The following HDAC9 variants were observed in gnomAD, a reference collection of about 807,000 sequenced individuals.
HDAC9 encodes the protein MEF-2 interacting transcription repressor (MITR) protein.
A neutral mutation model predicts 139.4 loss-of-function variants in HDAC9; 41 were observed. The ratio of observed to expected loss-of-function variants is 0.29; its 90% confidence interval spans 0.23 to 0.38. The LOEUF (loss-of-function observed/expected upper bound fraction) is 0.38, where lower values mean the gene tolerates loss of function less well. Among genes scored for constraint, HDAC9 ranks in the 10% least tolerant of loss-of-function variants. The pLI, the probability that HDAC9 is intolerant of heterozygous loss-of-function variation, is 1.00. For synonymous variants in HDAC9, 517 were observed against 476.2 expected, an observed-to-expected ratio of 1.09 and a Z score of -1.12; for missense variants, 1,147 against 1,297.0, an observed-to-expected ratio of 0.88 and a Z score of 1.78.
At chr7:18,518,750 C>T (rs1009503488) in intron 2 of HDAC9, among the ~76,000 whole-genome samples, 3 of 152,184 alleles carry the variant, frequency 2.0e-5, no homozygotes, top group African/African-American at 4.8e-5. Context: ...CAGTAATAGC[C>T]CTGGCTGGCT....
At chr7:18,243,175 A>G (rs1317518406) in intron 2 of HDAC9, among the ~76,000 whole-genome samples, 1 of 152,162 alleles carries the variant, frequency 6.6e-6, no homozygotes, top group Non-Finnish European at 1.5e-5. Flanking sequence ...CTGTATTACT[A>G]GTGTAAAAGC....
At chr7:18,193,104 T>G (rs1476954507) in intron 2 of HDAC9, among the ~76,000 whole-genome samples, 1 of 152,196 alleles carries the variant, frequency 6.6e-6, no homozygotes, top group Non-Finnish European at 1.5e-5. Flanking sequence ...GACCAGAAAT[T>G]GGATCAAAGA....
intron 1 of HDAC9, among the ~76,000 whole-genome samples, chr7:18,099,118 A>G (rs1474072769): frequency 6.6e-6 from 1 of 152,168 alleles, no homozygotes; most frequent in African/African-American, 2.4e-5. Flanking sequence ...ACATTAAAAT[A>G]AATATTAAAT....
intron 2 of HDAC9, among the ~76,000 whole-genome samples, chr7:18,272,146 T>G (rs987123751): frequency 1.2e-4 from 18 of 152,342 alleles, no homozygotes; most frequent in African/African-American, 4.3e-4. Context: ...AATGTTTATG[T>G]TTTACAGGAT....
intron 1 of HDAC9, among the ~76,000 whole-genome samples, chr7:18,323,915 T>G (rs749295096): frequency 2.0e-5 from 3 of 150,844 alleles, no homozygotes; most frequent in Non-Finnish European, 4.4e-5. Context: ...AGGACCTGCT[T>G]CCTGGCTTAT....
At chr7:18,336,534 A>G (rs1407097383) in intron 1 of HDAC9, among the ~76,000 whole-genome samples, 1 of 151,672 alleles carries the variant, frequency 6.6e-6, no homozygotes, top group Non-Finnish European at 1.5e-5. Flanking sequence ...AATTGTCTCT[A>G]TATTTTAAAG....
intron 2 of HDAC9, among the ~76,000 whole-genome samples, chr7:18,508,143 T>C (rs1800370431): frequency 6.6e-6 from 1 of 152,166 alleles, no homozygotes; most frequent in South Asian, 2.1e-4. Context: ...GATGGATGGA[T>C]AGATAAAGCT....
chr7:18,566,631 C>T (rs945219389), intron 2 of HDAC9, among the ~76,000 whole-genome samples: 3 of 152,178 alleles, frequency 2.0e-5, no homozygotes, highest in East Asian at 3.9e-4. Flanking sequence ...AACCCAGGAT[C>T]CATAGACGTG....
intron 21 of HDAC9, among the ~76,000 whole-genome samples, chr7:18,861,513 A>G (rs1052831344): frequency 2.6e-5 from 4 of 152,128 alleles, no homozygotes; most frequent in African/African-American, 9.7e-5. Flanking sequence ...CTCTATTCAG[A>G]GGCGTTCCAA....
At chr7:18,319,077 A>G (rs1380369529) in intron 1 of HDAC9, among the ~76,000 whole-genome samples, 1 of 152,214 alleles carries the variant, frequency 6.6e-6, no homozygotes, top group African/African-American at 2.4e-5. Context: ...TTGTTAGCGT[A>G]GTAGCATTTA....
At chr7:18,913,656 G>T (rs899804388) in intron 22 of HDAC9, among the ~76,000 whole-genome samples, 2 of 151,992 alleles carry the variant, frequency 1.3e-5, no homozygotes, top group Admixed American at 6.6e-5. Flanking sequence ...GCTTTGAGAG[G>T]TGGTTCAGTA....
chr7:18,551,365 A>G (rs370740098), intron 2 of HDAC9, among the ~76,000 whole-genome samples: 8 of 152,316 alleles, frequency 5.3e-5, no homozygotes, highest in South Asian at 2.1e-4. Flanking sequence ...AGAGTTGCCA[A>G]CACATAGTGA....
At chr7:18,211,302 A>G (rs981186156) in intron 2 of HDAC9, among the ~76,000 whole-genome samples, 5 of 152,190 alleles carry the variant, frequency 3.3e-5, no homozygotes, top group African/African-American at 1.2e-4. Flanking sequence ...GAGCTTAAAC[A>G]CAAATTAGAA....
intron 1 of HDAC9, among the ~76,000 whole-genome samples, chr7:18,124,467 A>C (rs1371595369): frequency 6.6e-6 from 1 of 152,206 alleles, no homozygotes; most frequent in Non-Finnish European, 1.5e-5. Flanking sequence ...CACTTACTTT[A>C]TTACAAGCAG....
At chr7:18,353,143 C>T (rs546881687) in intron 1 of HDAC9, among the ~76,000 whole-genome samples, 3 of 152,014 alleles carry the variant, frequency 2.0e-5, no homozygotes, top group Non-Finnish European at 2.9e-5. Context: ...TATACATGAC[C>T]CTGTGTTATG....
chr7:18,667,104 GT>G (rs1043615548), intron 12 of HDAC9: 4 of 985,086 alleles, frequency 4.1e-6, no homozygotes, highest in Non-Finnish European at 4.8e-6. Flanking sequence ...AATACAGGTG[GT>G]TTTAAATATA....
At chr7:18,537,835 A>T (rs1415926021) in intron 2 of HDAC9, among the ~76,000 whole-genome samples, 31 of 152,214 alleles carry the variant, frequency 2.0e-4, no homozygotes, top group Admixed American at 2.0e-3. Flanking sequence ...AATCTTGAAA[A>T]TGCCCAAATC....
chr7:18,334,254 T>A (rs1177025462), intron 1 of HDAC9, among the ~76,000 whole-genome samples: 1 of 151,388 alleles, frequency 6.6e-6, no homozygotes. Context: ...TTTATGACTT[T>A]ATAGGCAAAA....
chr7:18,646,268 C>T (rs144967387), intron 9 of HDAC9, among the ~76,000 whole-genome samples: 568 of 152,204 alleles, frequency 3.7e-3, no homozygotes, highest in Middle Eastern at 0.01. Flanking sequence ...CTCTCAATAA[C>T]TCACACATGG....
Sources: allele counts gnomAD v4.1 joint callset (sites outside exome capture counted in the v4.1 genomes callset), GRCh38; gene constraint gnomAD v4.1.1; transcripts MANE v1.5; gene names NCBI Gene and HGNC (gene_info 2026-07-23, HGNC 2026-07-21).